Variants in LARP1B observed in about 807,000 individuals in gnomAD.
LARP1B encodes La ribonucleoprotein 1B.
A neutral mutation model predicts 114.2 loss-of-function variants in LARP1B; 76 were observed. The ratio of observed to expected loss-of-function variants is 0.67; its 90% CI spans 0.55 to 0.81. The LOEUF (loss-of-function observed/expected upper bound fraction) is 0.81. Ranked by LOEUF, LARP1B falls within the 30% of genes least tolerant of loss-of-function variation. The pLI is 0.00. For synonymous variants in LARP1B, 345 were observed against 348.0 expected (o/e 0.99, Z 0.10); for missense variants, 1,014 against 1,075.8 (o/e 0.94, Z 0.80).
chr4:128,131,053 A>T lies in LARP1B; in HGVS notation c.1524+8865A>T, dbSNP rs2061572. On this transcript the variant is annotated intron_variant, in intron 11 of 19. Coordinates refer to ENST00000326639, the MANE Select transcript of LARP1B (RefSeq NM_018078.4). ...GGGAAGAGATGAATGGACAGAGCAC[A>T]GGTTTTTTAGGGCAGTGACAGTATT... Among the ~76,000 whole-genome samples, 669 of 152,084 alleles carry T rather than the reference A, an allele frequency of 4.4e-3. 5 individuals are homozygous for T. Among genetic ancestry groups the T allele is most frequent in the Middle Eastern group, 0.041 (12 of 294 alleles).
chr4:128,140,323 A>G (rs1044290994), intron 11 of LARP1B, among the ~76,000 whole-genome samples: 1 of 152,226 alleles, frequency 6.6e-6, no homozygotes, highest in African/African-American at 2.4e-5. Context: ...TCATTATAGT[A>G]GTGAAAAGTA....
chr4:128,098,641 G>T (rs1191138520), intron 8 of LARP1B, among the ~76,000 whole-genome samples: 2 of 148,582 alleles, frequency 1.3e-5, no homozygotes, highest in African/African-American at 5.0e-5. Context: ...ACTTCTTCAG[G>T]GCTGGGCGTG....
intron 9 of LARP1B, among the ~76,000 whole-genome samples, chr4:128,110,495 G>T (rs1171341763): frequency 6.7e-6 from 1 of 149,932 alleles, no homozygotes; most frequent in African/African-American, 2.5e-5. Context: ...AAAAAAAACG[G>T]TGAAACCCCG....
At chr4:128,108,876 C>A (rs1003028601) in intron 9 of LARP1B, 126 of 965,112 alleles carry the variant, frequency 1.3e-4, no homozygotes, top group Non-Finnish European at 1.5e-4. Context: ...TTTATGCATA[C>A]TAATAAAATT....
At chr4:128,091,598 A>AT in intron 7 of LARP1B, 86 bp downstream of exon 7, 3 of 1,119,504 alleles carry the variant, frequency 2.7e-6, no homozygotes, top group East Asian at 2.6e-5. Context: ...AATATGCTAT[A>AT]ATTTTTTTTT....
chr4:128,081,493 C>T (rs2149454456), intron 4 of LARP1B, among the ~76,000 whole-genome samples: 1 of 147,460 alleles, frequency 6.8e-6, no homozygotes, highest in East Asian at 2.1e-4. Context: ...CTTATATTAA[C>T]ATTGTTTCTT....
chr4:128,087,351 A>G (rs1774022126), intron 5 of LARP1B, among the ~76,000 whole-genome samples: 1 of 152,218 alleles, frequency 6.6e-6, no homozygotes, highest in Non-Finnish European at 1.5e-5. Flanking sequence ...CTGTGAATGG[A>G]TAAGAAGGCC....
At chr4:128,068,559 A>C (rs1763964068) in intron 1 of LARP1B, among the ~76,000 whole-genome samples, 1 of 152,066 alleles carries the variant, frequency 6.6e-6, no homozygotes, top group African/African-American at 2.4e-5. Flanking sequence ...CTGGTCTCAG[A>C]ACTCTTGAAC....
chr4:128,136,622 G>A (rs1725447408), intron 11 of LARP1B, among the ~76,000 whole-genome samples: 3 of 152,118 alleles, frequency 2.0e-5, no homozygotes, highest in African/African-American at 4.8e-5. Context: ...TTTCAGAAAC[G>A]TTTTGCCTAA....
In LARP1B at chr4:128,077,979, C is replaced by CCTG; in HGVS notation, c.217+17_217+18insCTG. ...GTAAGAGAGGTCAGTTTGTCCATAT[C>CCTG]TTTATTTTGATTTTAGTTTTTGAAG... On this transcript the variant is annotated intron_variant, in intron 4 of 19. Coordinates refer to ENST00000326639, the MANE Select transcript of LARP1B (RefSeq NM_018078.4). The CCTG allele has an allele frequency of 6.7e-7, 1 of 1,483,224 alleles. No homozygotes were observed. Among genetic ancestry groups the CCTG allele is most frequent in the South Asian group, 1.4e-5 (1 of 68,990 alleles). 91.9% of individuals were successfully genotyped at this position (1,483,224 alleles called of 1,614,324 possible).
Position 128,083,781 on chromosome 4 carries a change from C to T in LARP1B, c.358+1476C>T, listed in dbSNP as rs537886944. Among the ~76,000 whole-genome samples the T allele has an allele frequency of 4.4e-3, 624 of 143,310 alleles. 2 individuals carry two copies. The highest frequency in any genetic ancestry group is 0.015 in the African/African-American group (582 of 37,854). 94.0% of individuals were successfully genotyped at this position (143,310 alleles called of 152,430 possible). ...GGCGCCCCTCACCTCCTGGACGGGG[C>T]GGCTGGCCGGGCGGGGGGCTGACCC... is the stretch of plus-strand genomic sequence containing the variant. On this transcript the variant is annotated intron_variant, in intron 5 of 19. Coordinates refer to ENST00000326639, the MANE Select transcript of LARP1B (RefSeq NM_018078.4).
intron 15 of LARP1B, among the ~76,000 whole-genome samples, chr4:128,196,248 CAAAAA>C (rs35423896): frequency 4.5e-5 from 4 of 88,608 alleles, no homozygotes; most frequent in Admixed American, 2.6e-4. Flanking sequence ...GAGAGTCTGT[CAAAAA>C]AAAAAAAAAA....
At chr4:128,078,096 G>A (rs527743256) in intron 4 of LARP1B, 134 bp downstream of exon 4, 1 of 567,298 alleles carries the variant, frequency 1.8e-6, no homozygotes, top group South Asian at 5.3e-5. Flanking sequence ...AATCTGCAGA[G>A]GTAACTCATT....
rs996043746 is a variant in LARP1B at position 128,155,689 on chromosome 4, A to T, written c.1525-6505A>T. The stretch of plus-strand genomic sequence containing the variant: ...GTGTCCAAGGCCTTGTGAACAGATC[A>T]GCCCGGAGGAAGAGGAGCGCCGCCG... On this transcript the variant is annotated intron_variant, in intron 11 of 19. Transcript: ENST00000326639. 24 of 1,605,950 alleles carry T rather than the reference A, an allele frequency of 1.5e-5. No homozygotes were observed. In the African/African-American group the frequency reaches 3.2e-4, roughly 21 times the overall value.
intron 5 of LARP1B, among the ~76,000 whole-genome samples, chr4:128,090,072 C>A (rs1775328713): frequency 7.0e-6 from 1 of 143,782 alleles, no homozygotes; most frequent in South Asian, 2.2e-4. Context: ...CACACCGGGC[C>A]TCTTTTTTTT....
intron 5 of LARP1B, among the ~76,000 whole-genome samples, chr4:128,088,864 C>T (rs1444620034): frequency 7.1e-6 from 1 of 141,346 alleles, no homozygotes; most frequent in Non-Finnish European, 1.5e-5. Context: ...ACTTTGGGAG[C>T]GGGAGGTGGC....
chr4:128,079,539 CTTT>C (rs927452743), intron 4 of LARP1B, among the ~76,000 whole-genome samples: 9 of 151,008 alleles, frequency 6.0e-5, no homozygotes, highest in Admixed American at 6.0e-4. Flanking sequence ...CTTCCTGTTT[CTTT>C]TTTTTTAATT....
intron 5 of LARP1B, among the ~76,000 whole-genome samples, chr4:128,085,353 CTTTTTTTTTTTTTT>C (rs35260726): frequency 1.2e-5 from 1 of 85,846 alleles, no homozygotes; most frequent in Non-Finnish European, 2.1e-5. Context: ...CCTTAGCTTC[CTTTTTTTTTTTTTT>C]TTTTTTTTTT....
intron 12 of LARP1B, among the ~76,000 whole-genome samples, chr4:128,176,162 T>TATATATTATATATAA (rs1177934340): frequency 8.4e-5 from 10 of 119,664 alleles, no homozygotes; most frequent in Admixed American, 5.3e-4. Context: ...TATATATAAA[T>TATATATTATATATAA]ATATATATTA....
Sources: gnomAD v4.1 joint callset for allele counts (sites outside exome capture counted in the v4.1 genomes callset) on GRCh38, gnomAD v4.1.1 for gene constraint, MANE v1.5 for transcripts, NCBI Gene and HGNC (gene_info 2026-07-23, HGNC 2026-07-21) for gene names.